SAFB2: variants seen among roughly 807,000 people sequenced by gnomAD.
SAFB2 encodes scaffold attachment factor B2.
A neutral mutation model predicts 100.6 loss-of-function variants in SAFB2; 32 were observed. That is an observed-to-expected ratio of 0.32 (90% CI 0.24 to 0.43). The LOEUF (loss-of-function observed/expected upper bound fraction) is 0.43, where lower values mean the gene tolerates loss of function less well. SAFB2 is among the 20% of genes least tolerant of loss of function. SAFB2 has a pLI of 1.00. For synonymous variants in SAFB2, 500 were observed against 439.4 expected (o/e 1.14, Z -1.72); for missense variants, 1,185 against 1,163.4 (o/e 1.02, Z -0.27).
rs753883090 is a variant in SAFB2 at position 5,594,119 on chromosome 19, T to C, written c.1979A>G (p.Lys660Arg). The change falls in exon 15 of 21, where the codon AAG (lysine) becomes AGG (arginine). Residue 660 changes from lysine to arginine, a missense_variant. Physicochemically the swap from Lys to Arg is conservative, Grantham distance 26. Coordinates refer to ENST00000252542, the MANE Select transcript of SAFB2 (RefSeq NM_014649.3). Reference protein sequence around the residue: ...RLEAFHERKEKARLQRERLQL... With the variant: ...RLEAFHERKERARLQRERLQL... ...CAGGCGTTCCCGCTGTAGCCGGGCCTTCTCCTTCCGCTCATGGAAGGCCTC... is the reference window on the plus strand; with the variant it reads ...CAGGCGTTCCCGCTGTAGCCGGGCCCTCTCCTTCCGCTCATGGAAGGCCTC... 16 of 1,602,232 alleles carry C rather than the reference T, an allele frequency of 1.0e-5. No individual in the cohort carries two copies. Among genetic ancestry groups the C allele is most frequent in the Non-Finnish European group, 1.4e-5 (16 of 1,178,732 alleles).
At chr19:5,599,254 A>G (rs1461429075) in intron 12 of SAFB2, among the ~76,000 whole-genome samples, 2 of 152,148 alleles carry the variant, frequency 1.3e-5, no homozygotes, top group African/African-American at 4.8e-5. Flanking sequence ...GAAGCTCCGC[A>G]GTATCCAGCC....
intron 9 of SAFB2, among the ~76,000 whole-genome samples, chr19:5,609,095 A>G (rs1191778959): frequency 1.3e-5 from 2 of 151,354 alleles, no homozygotes; most frequent in Non-Finnish European, 2.9e-5. Flanking sequence ...CAAACAAAAA[A>G]AGAAGACTCT....
chr19:5,587,384 T>G lies in SAFB2; in HGVS notation c.2721A>C (p.Ala907=). 6.2e-7 allele frequency: 1 copy of G among 1,612,352 alleles called. No individual in the cohort carries two copies. Among genetic ancestry groups the G allele is most frequent in the Non-Finnish European group, 8.5e-7 (1 of 1,179,348 alleles). The change falls in exon 21 of 21, where the codon GCA becomes GCC. Residue 907 remains alanine, a synonymous_variant. Transcript: ENST00000252542. The surrounding 1 kb of genome is among the most constrained non-coding windows in gnomAD (Gnocchi z 4.9). ...CGTGGCCCTGGGAATGTCCACCTTG[T>G]GCAAAGCCGCCTCGCCTAGGAACAA... ...RGGVAGRGGF[A]QGGHSQGHVV...
intron 18 of SAFB2, 71 bp downstream of exon 18, chr19:5,590,207 C>A: frequency 1.1e-6 from 1 of 940,660 alleles, no homozygotes; most frequent in Non-Finnish European, 1.4e-6. Context: ...TGGGGACGTG[C>A]CTGGCCAGGC....
At chr19:5,607,262 AAAAC>A (rs2052796427) in intron 9 of SAFB2, among the ~76,000 whole-genome samples, 1 of 152,208 alleles carries the variant, frequency 6.6e-6, no homozygotes, top group Admixed American at 6.5e-5. Flanking sequence ...CTCCGTCTCA[AAAAC>A]AAACAAAAAC....
At position 5,594,109 on chromosome 19, in the gene SAFB2, T is replaced by A; in HGVS notation, c.1989A>T (p.Leu663=). The change falls in exon 15 of 21, where the codon CTA becomes CTT. Residue 663 remains leucine, a synonymous_variant. Transcript: ENST00000252542. ...ACTCGAGCTGCAGGCGTTCCCGCTG[T>A]AGCCGGGCCTTCTCCTTCCGCTCAT... The part of the protein sequence containing the change: ...AFHERKEKAR[L]QRERLQLECQ... 2.5e-6 allele frequency: 4 copies of A among 1,601,326 alleles called. No homozygotes were observed. Among genetic ancestry groups the A allele is most frequent in the Non-Finnish European group, 1.7e-6 (2 of 1,178,316 alleles).
chr19:5,609,384 A>T (rs2052854712), intron 9 of SAFB2, among the ~76,000 whole-genome samples: 1 of 149,114 alleles, frequency 6.7e-6, no homozygotes, highest in Admixed American at 6.7e-5. Context: ...GCTCACTGCA[A>T]CCTCTGCCTC....
At chr19:5,590,599 C>T (rs1384511483) in intron 17 of SAFB2, among the ~76,000 whole-genome samples, 191 bp from the exon 18 acceptor site, 1 of 152,176 alleles carries the variant, frequency 6.6e-6, no homozygotes, top group Non-Finnish European at 1.5e-5. Flanking sequence ...CCTCCTCGCA[C>T]CCCTACAGCT....
chr19:5,591,867 C>T (rs927312014), intron 16 of SAFB2, 74 bp from the exon 17 acceptor site: 12 of 1,406,614 alleles, frequency 8.5e-6, no homozygotes, highest in East Asian at 4.6e-5. Context: ...GCAAGTTTCG[C>T]GACTGGGATA....
chr19:5,587,795 C>T lies in SAFB2; in HGVS notation c.2639-28G>A. 2 of 1,555,718 alleles carry T rather than the reference C, an allele frequency of 1.3e-6. No individual in the cohort carries two copies. Among genetic ancestry groups the T allele is most frequent in the Non-Finnish European group, 1.7e-6 (2 of 1,149,260 alleles). ...AGAAGAGAAGAAGGGTCTGCAAACACTCCGTTCCTGGGGAAGCCCCTGGAC... is the reference window on the plus strand; with the variant it reads ...AGAAGAGAAGAAGGGTCTGCAAACATTCCGTTCCTGGGGAAGCCCCTGGAC... On this transcript the variant is annotated intron_variant, in intron 19 of 20. Coordinates refer to ENST00000252542, the MANE Select transcript of SAFB2 (RefSeq NM_014649.3). This position sits in a 1 kb window ranked among gnomAD's most constrained non-coding sequence, Gnocchi z 4.9.
At chr19:5,610,618 C>T (rs1384252210) in intron 8 of SAFB2, 21 bp downstream of exon 8, 1 of 1,542,576 alleles carries the variant, frequency 6.5e-7, no homozygotes. Flanking sequence ...TGGCTCCCTA[C>T]CACGTTAAAT....
chr19:5,607,410 G>A (rs1230252089), intron 9 of SAFB2, among the ~76,000 whole-genome samples: 1 of 152,094 alleles, frequency 6.6e-6, no homozygotes, highest in Non-Finnish European at 1.5e-5. Flanking sequence ...AAAGATCGAC[G>A]GGAGGGGAAA....
chr19:5,607,184 C>A (rs1006203045), intron 9 of SAFB2, among the ~76,000 whole-genome samples: 1 of 152,134 alleles, frequency 6.6e-6, no homozygotes, highest in Non-Finnish European at 1.5e-5. Flanking sequence ...TGGCATGAAC[C>A]CAGGAGGCAG....
Position 5,622,623 on chromosome 19 carries a change from G to A in SAFB2, c.93C>T (p.Ser31=), listed in dbSNP as rs1313154436. The A allele has an allele frequency of 6.2e-7, 1 of 1,612,154 alleles. No homozygotes were observed. The highest frequency in any genetic ancestry group is 8.5e-7 in the Non-Finnish European group (1 of 1,179,532). The change falls in exon 1 of 21, where the codon AGC becomes AGT. Residue 31 remains serine (S), a synonymous_variant. Transcript: ENST00000252542. Reference sequence around the variant, plus strand: ...CCCGCAGATCGATCACCCGCAGCTCGCTGAGCCGCCTCGTCCCAGTCTCCG... The same window carrying A: ...CCCGCAGATCGATCACCCGCAGCTCACTGAGCCGCCTCGTCCCAGTCTCCG... ...GVAETGTRRL[S]ELRVIDLRAE...
At chr19:5,606,768 A>G (rs2052782867) in intron 9 of SAFB2, among the ~76,000 whole-genome samples, 1 of 152,264 alleles carries the variant, frequency 6.6e-6, no homozygotes, top group Admixed American at 6.5e-5. Context: ...TTCAAAATGA[A>G]GACAAAGTAA....
chr19:5,588,730 C>T (rs1258938024), intron 18 of SAFB2, among the ~76,000 whole-genome samples: 1 of 152,122 alleles, frequency 6.6e-6, no homozygotes, highest in Non-Finnish European at 1.5e-5. Flanking sequence ...GAGGGTGCAG[C>T]TGCTAAAAGG....
In SAFB2 at chr19:5,620,631, C is replaced by A. The variant is rs991132317; in HGVS notation, c.274+678G>T. ...AATGTCCACAATAGGCAAATCTATG[C>A]GGACAGAACATGGATTAGTAGTTGC... On this transcript the variant is annotated intron_variant, in intron 2 of 20. Coordinates refer to ENST00000252542, the MANE Select transcript of SAFB2 (RefSeq NM_014649.3). Among the ~76,000 whole-genome samples, 4 of 152,166 alleles carry A rather than the reference C, an allele frequency of 2.6e-5. No homozygotes were observed. In the East Asian group the frequency reaches 7.7e-4, roughly 29 times the overall value.
intron 18 of SAFB2, 83 bp downstream of exon 18, chr19:5,590,195 C>T: frequency 7.8e-7 from 1 of 1,287,740 alleles, no homozygotes; most frequent in Non-Finnish European, 1.0e-6. Flanking sequence ...TGAATCAAAC[C>T]TTGGGGACGT....
intron 4 of SAFB2, 58 bp from the exon 5 acceptor site, chr19:5,613,585 G>A: frequency 1.3e-6 from 2 of 1,586,886 alleles, no homozygotes; most frequent in Non-Finnish European, 1.7e-6. Context: ...AACCAAGGCT[G>A]ACACCTCGCT....
Sources: gnomAD v4.1 joint callset for allele counts (sites outside exome capture counted in the v4.1 genomes callset) on GRCh38, gnomAD v4.1.1 for gene constraint, Gnocchi (gnomAD v3.1) non-coding constraint, MANE v1.5 for transcripts, NCBI Gene and HGNC (gene_info 2026-07-23, HGNC 2026-07-21) for gene names.